The following ASB4 variants were observed in gnomAD, a reference collection of about 807,000 sequenced individuals.
ASB4 encodes ankyrin repeat and SOCS box containing 4, also known as ankyrin repeat and SOCS box protein 4.
In ASB4, 35 loss-of-function variants were observed where a neutral mutation model predicts 38.6. That is an observed-to-expected ratio of 0.91 (90% CI 0.69 to 1.20). The LOEUF (loss-of-function observed/expected upper bound fraction) is 1.20, where lower values mean the gene tolerates loss of function less well. Ranked by LOEUF, ASB4 falls within the 50% of genes most tolerant of loss-of-function variation. The pLI, the probability that ASB4 is intolerant of heterozygous loss-of-function variation, is 0.00. For missense variants in ASB4, 557 were observed against 527.2 expected (o/e 1.06, Z -0.55); for synonymous variants, 195 against 201.3 (o/e 0.97, Z 0.26).
Position 95,486,348 on chromosome 7 carries a change from G to A in ASB4, c.187+190G>A, listed in dbSNP as rs114174452. Among the ~76,000 whole-genome samples the A allele has an allele frequency of 7.1e-3, 1,079 of 151,970 alleles. 11 individuals carry two copies. Among genetic ancestry groups the A allele is most frequent in the African/African-American group, 0.024 (993 of 41,464 alleles). On this transcript the variant is annotated intron_variant, in intron 1 of 4. Transcript: ENST00000325885. ...GTGGGCTGATATATATGTATAAGTC[G>A]TGTCTCTCCTTTTCTTTTCCCACCC...
intron 1 of ASB4, among the ~76,000 whole-genome samples, chr7:95,493,764 A>G (rs1382932293): frequency 6.6e-6 from 1 of 152,102 alleles, no homozygotes; most frequent in Non-Finnish European, 1.5e-5. Context: ...GTATTTGCAT[A>G]TGATAGCATA....
At chr7:95,510,034 CACTT>C (rs1159811747) in intron 2 of ASB4, among the ~76,000 whole-genome samples, 1 of 152,028 alleles carries the variant, frequency 6.6e-6, no homozygotes, top group Admixed American at 6.6e-5. Context: ...GCTAAGGTGA[CACTT>C]AATATCTAAA....
chr7:95,515,172 TC>T (rs772719622), intron 2 of ASB4, among the ~76,000 whole-genome samples: 103 of 46,136 alleles, frequency 2.2e-3, no homozygotes, highest in African/African-American at 9.4e-3. Flanking sequence ...TCTTTCTCTT[TC>T]TTTCTTTCTT....
At chr7:95,492,574 T>C (rs534703961) in intron 1 of ASB4, among the ~76,000 whole-genome samples, 110 of 152,304 alleles carry the variant, frequency 7.2e-4, no homozygotes, top group African/African-American at 2.5e-3. Flanking sequence ...TGGATAATCT[T>C]CCCTCCAGCG....
At chr7:95,521,513 T>C (rs1376542998) in intron 2 of ASB4, among the ~76,000 whole-genome samples, 1 of 152,118 alleles carries the variant, frequency 6.6e-6, no homozygotes, top group African/African-American at 2.4e-5. Flanking sequence ...TTAATATGGT[T>C]GAAAATGTTC....
chr7:95,490,120 T>C (rs1562809339), intron 1 of ASB4, among the ~76,000 whole-genome samples: 1 of 152,232 alleles, frequency 6.6e-6, no homozygotes, highest in Non-Finnish European at 1.5e-5. Context: ...CCTTGGTTGG[T>C]AGTCATATTT....
intron 2 of ASB4, among the ~76,000 whole-genome samples, chr7:95,507,561 G>A (rs1790426920): frequency 6.6e-6 from 1 of 152,054 alleles, no homozygotes; most frequent in Admixed American, 6.6e-5. Flanking sequence ...TCTTTGATTA[G>A]TAACTGCCTC....
intron 3 of ASB4, among the ~76,000 whole-genome samples, chr7:95,535,923 A>G (rs1053990132): frequency 1.3e-5 from 2 of 152,188 alleles, no homozygotes; most frequent in African/African-American, 4.8e-5. Flanking sequence ...ACTAACATTG[A>G]ATTTTTTGAT....
chr7:95,502,481 A>G (rs1035868675), intron 2 of ASB4, among the ~76,000 whole-genome samples: 6 of 152,090 alleles, frequency 3.9e-5, no homozygotes, highest in African/African-American at 1.4e-4. Context: ...GACCAATTCT[A>G]GGCAGGAGAC....
upstream of ASB4, among the ~76,000 whole-genome samples, chr7:95,485,036 G>GTA (rs1252339268): frequency 6.7e-6 from 1 of 148,168 alleles, no homozygotes; most frequent in Non-Finnish European, 1.5e-5. Context: ...ATGTATATAT[G>GTA]TATATATATG....
upstream of ASB4, among the ~76,000 whole-genome samples, chr7:95,481,858 C>T (rs1173522450): frequency 1.3e-5 from 2 of 152,212 alleles, no homozygotes; most frequent in African/African-American, 4.8e-5. Context: ...TGTAATGAAA[C>T]AGTAATAAAA....
At chr7:95,530,951 CACTT>C (rs1274300740) in intron 3 of ASB4, among the ~76,000 whole-genome samples, 1 of 152,114 alleles carries the variant, frequency 6.6e-6, no homozygotes, top group Non-Finnish European at 1.5e-5. Flanking sequence ...TGGATTCTGT[CACTT>C]ACTTAAGAGT....
chr7:95,476,861 T>A (rs1028146789), upstream of ASB4, among the ~76,000 whole-genome samples: 1 of 152,202 alleles, frequency 6.6e-6, no homozygotes, highest in African/African-American at 2.4e-5. Context: ...AATACCATTG[T>A]AGCAAAAACA....
chr7:95,521,254 A>G (rs1790658508), intron 2 of ASB4, among the ~76,000 whole-genome samples: 1 of 152,120 alleles, frequency 6.6e-6, no homozygotes, highest in East Asian at 1.9e-4. Flanking sequence ...AAAAATAAAT[A>G]AGAAAAGCCC....
chr7:95,479,465 A>C (rs1368023012), intron 1 of ASB4, among the ~76,000 whole-genome samples: 2 of 152,214 alleles, frequency 1.3e-5, no homozygotes, highest in African/African-American at 4.8e-5. Context: ...TTATAAAAGT[A>C]TAGTTTTAAT....
At chr7:95,529,139 T>C (rs1031766660) in intron 3 of ASB4, among the ~76,000 whole-genome samples, 1 of 152,194 alleles carries the variant, frequency 6.6e-6, no homozygotes, top group Non-Finnish European at 1.5e-5. Flanking sequence ...TAATATGCTG[T>C]GGTAAATGAC....
intron 3 of ASB4, among the ~76,000 whole-genome samples, chr7:95,531,889 T>C (rs1790824136): frequency 6.6e-6 from 1 of 152,302 alleles, no homozygotes; most frequent in Non-Finnish European, 1.5e-5. Context: ...ACCAACTTTG[T>C]CCATGGTTAG....
intron 3 of ASB4, among the ~76,000 whole-genome samples, chr7:95,531,586 T>C (rs1194915388): frequency 1.3e-5 from 2 of 152,258 alleles, no homozygotes; most frequent in East Asian, 1.9e-4. Context: ...TGGCTATGAC[T>C]ATTACTATTC....
chr7:95,549,878 G>T, the ASB4 span, among the ~76,000 whole-genome samples: 2 of 152,118 alleles, frequency 1.3e-5, no homozygotes, highest in Non-Finnish European at 2.9e-5. Flanking sequence ...TTCTGAAAAG[G>T]GAGTTTGACG....
Sources: allele counts gnomAD v4.1 joint callset (sites outside exome capture counted in the v4.1 genomes callset), GRCh38; gene constraint gnomAD v4.1.1; transcripts MANE v1.5; gene names NCBI Gene and HGNC (gene_info 2026-07-23, HGNC 2026-07-21).